Variants in SUN1 observed in about 807,000 individuals in gnomAD.
The protein encoded by SUN1 is Sad1 and UNC84 domain containing 1.
In SUN1, 61 loss-of-function variants were observed where a neutral mutation model predicts 103.2. The observed-to-expected ratio is 0.59, with a 90% CI of 0.48 to 0.73. The LOEUF (loss-of-function observed/expected upper bound fraction) is 0.73. SUN1 is among the 30% of genes least tolerant of loss of function. SUN1 has a pLI of 0.00. For synonymous variants in SUN1, 490 were observed against 425.7 expected (o/e 1.15, Z -1.86); for missense variants, 1,052 against 1,034.6 (o/e 1.02, Z -0.23).
intron 5 of SUN1, among the ~76,000 whole-genome samples, chr7:848,099 C>T (rs976667223): frequency 9.3e-5 from 14 of 150,768 alleles, no homozygotes; most frequent in African/African-American, 3.4e-4. Context: ...GGGGTTACTC[C>T]GCAGTACCCT....
intron 1 of SUN1, among the ~76,000 whole-genome samples, chr7:833,381 G>A (rs1246258350): frequency 6.6e-6 from 1 of 151,440 alleles, no homozygotes; most frequent in African/African-American, 2.4e-5. Flanking sequence ...TGCAATCTCG[G>A]CTCACTGCAA....
At chr7:853,364 A>C (rs768247155) in intron 9 of SUN1, 45 bp from the exon 10 acceptor site, 1 of 1,606,148 alleles carries the variant, frequency 6.2e-7, no homozygotes, top group Non-Finnish European at 8.5e-7. Flanking sequence ...CTCTGTGCTC[A>C]TGCTTGTTTG....
upstream of SUN1, chr7:816,308 C>G: frequency 4.6e-6 from 1 of 219,308 alleles, no homozygotes; most frequent in Non-Finnish European, 9.1e-6. Flanking sequence ...AGACCCCTCC[C>G]CTAAATGCGG....
rs760512224 is a variant in SUN1, at chr7:852,844, T to A, written c.945T>A (p.Phe315Leu). 6.8e-6 allele frequency: 11 copies of A among 1,613,726 alleles called. No homozygotes were observed. The Admixed American group carries it at 1.5e-4, about 22-fold the overall frequency. Residue 315 changes from phenylalanine (F) to leucine (L), a missense_variant, in exon 9 of 19, where the codon TTT (phenylalanine) becomes TTA (leucine). Physicochemically the swap from Phe to Leu is conservative, Grantham distance 22 (BLOSUM62 0). Transcript: ENST00000401592. ...GLSLRGQGNF[F>L]SFLPVLNWAS... ...CCTTACGGGGCCAGGGCAATTTCTT[T>A]TCGTTCTTGCCCGTGTTGAACTGGG...
chr7:825,855 A>G (rs1791239521), intron 1 of SUN1, among the ~76,000 whole-genome samples: 1 of 151,568 alleles, frequency 6.6e-6, no homozygotes, highest in African/African-American at 2.4e-5. Flanking sequence ...TTTCAATAAT[A>G]TGAAGATCTA....
chr7:831,874 G>A (rs1376432464), upstream of SUN1: 1 of 225,578 alleles, frequency 4.4e-6, no homozygotes, highest in Non-Finnish European at 7.4e-6. Flanking sequence ...TTTAGCCAGA[G>A]GAAAGTATGA....
intron 2 of SUN1, among the ~76,000 whole-genome samples, chr7:840,958 A>T (rs945328226): frequency 1.7e-4 from 25 of 148,520 alleles, no homozygotes; most frequent in Non-Finnish European, 1.9e-4. Flanking sequence ...TTTGAGACAG[A>T]GTTTCGCTTT....
In SUN1 at chr7:838,206, C is replaced by G. The variant is rs75421238; in HGVS notation, c.78-592C>G. Among the ~76,000 whole-genome samples the G allele has an allele frequency of 7.6e-3, 1,163 of 152,356 alleles. 53 individuals are homozygous for G. In the East Asian group the frequency reaches 0.14, roughly 18 times the overall value. On this transcript the variant is annotated intron_variant, in intron 1 of 18. Transcript: ENST00000401592. ...GTGCTGGGATTGCAGGCGTGAACCA[C>G]TGTGCCTGGCTCATCTTTTTATTTA...
upstream of SUN1, among the ~76,000 whole-genome samples, chr7:829,524 G>T (rs926860869): frequency 2.0e-5 from 3 of 151,420 alleles, no homozygotes; most frequent in African/African-American, 7.3e-5. Context: ...CTCAGGAATT[G>T]CACACCCAGA....
intron 1 of SUN1, among the ~76,000 whole-genome samples, chr7:825,960 G>A (rs185648389): frequency 4.6e-5 from 7 of 151,846 alleles, no homozygotes; most frequent in African/African-American, 1.4e-4. Flanking sequence ...GAAACAAACC[G>A]GGCTGGGCAT....
At chr7:853,652 A>G (rs745403636) in intron 10 of SUN1, 34 bp downstream of exon 10, 1 of 1,590,654 alleles carries the variant, frequency 6.3e-7, no homozygotes, top group Admixed American at 1.7e-5. Flanking sequence ...CTCCATGGTG[A>G]CACCAACGCG....
chr7:855,303 C>A (rs1826097776), intron 11 of SUN1, among the ~76,000 whole-genome samples: 1 of 152,202 alleles, frequency 6.6e-6, no homozygotes, highest in Non-Finnish European at 1.5e-5. Context: ...CCAGCTCTTT[C>A]CGGCTCCAGG....
At chr7:849,054 C>T (rs907122462) in intron 5 of SUN1, among the ~76,000 whole-genome samples, 8 of 152,236 alleles carry the variant, frequency 5.3e-5, no homozygotes, top group East Asian at 1.9e-4. Context: ...TGGGTTCAAG[C>T]GATTCTCCTG....
At chr7:841,671 T>C (rs1810107162) in intron 2 of SUN1, 1 of 368,744 alleles carries the variant, frequency 2.7e-6, no homozygotes, top group South Asian at 3.0e-5. Flanking sequence ...TTTTTATTTC[T>C]AGTTTATTTT....
chr7:817,431 G>C, intron 1 of SUN1: 1 of 1,536,022 alleles, frequency 6.5e-7, no homozygotes. Flanking sequence ...AGCAGCGGCG[G>C]GGAACACCTT....
Position 873,495 on chromosome 7 carries a change from C to T in SUN1, c.*164C>T, listed in dbSNP as rs570149316. The T allele has an allele frequency of 2.4e-4, 163 of 691,662 alleles. No individual in the cohort carries two copies. The highest frequency in any genetic ancestry group is 9.2e-4 in the African/African-American group (51 of 55,550). 42.8% of individuals were successfully genotyped at this position (691,662 alleles called of 1,614,324 possible). A position where few individuals can be genotyped will look rare whatever the true frequency, so the allele number is the denominator to read the frequency against. ...CGTGAGCGTGTGACGGGCGCCTTGG[C>T]GCCACCTGTTGGGTGCTCACTGCCT... On this transcript the variant is annotated 3_prime_UTR_variant, in exon 19 of 19. Transcript: ENST00000401592.
At chr7:847,346 G>T (rs962737089) in intron 5 of SUN1, among the ~76,000 whole-genome samples, 1 of 148,088 alleles carries the variant, frequency 6.8e-6, no homozygotes, top group Non-Finnish European at 1.5e-5. Flanking sequence ...GGGTTACCCC[G>T]CAGCGCCCTC....
At chr7:840,715 C>T (rs1808793020) in intron 2 of SUN1, among the ~76,000 whole-genome samples, 1 of 149,412 alleles carries the variant, frequency 6.7e-6, no homozygotes, top group South Asian at 2.1e-4. Flanking sequence ...AATCTCGACT[C>T]ACCACAAGCT....
Position 853,588 on chromosome 7 carries a change from C to T in SUN1, c.1233C>T (p.Val411=), listed in dbSNP as rs1824210821. The change falls in exon 10 of 19, where the codon GTC becomes GTT. Residue 411 remains valine, a synonymous_variant. Transcript: ENST00000401592. ...GCGCTGCCGGGCCGTCAGCTTCGGT[C>T]AGAGACGCTGTGGGACAGCCCCCGA... ...EGGAAGPSAS[V]RDAVGQPPRE... is the part of the protein sequence containing the mutation. The T allele has an allele frequency of 6.2e-7, 1 of 1,606,738 alleles. No individual in the cohort carries two copies. Among genetic ancestry groups the T allele is most frequent in the East Asian group, 2.2e-5 (1 of 44,882 alleles).
Sources: gnomAD v4.1 joint callset for allele counts (sites outside exome capture counted in the v4.1 genomes callset) on GRCh38, gnomAD v4.1.1 for gene constraint, MANE v1.5 for transcripts, NCBI Gene and HGNC (gene_info 2026-07-23, HGNC 2026-07-21) for gene names.